Variants in ASIC2 observed in about 807,000 individuals in gnomAD.
The protein encoded by ASIC2 is acid sensing ion channel subunit 2.
A neutral mutation model predicts 57.3 loss-of-function variants in ASIC2; 25 were observed. That is an observed-to-expected ratio of 0.44 (90% confidence interval 0.32 to 0.61). The LOEUF is 0.61. Among genes scored for constraint, ASIC2 ranks in the 20% least tolerant of loss-of-function variants. The pLI is 0.06. For synonymous variants in ASIC2, 319 were observed against 307.5 expected (o/e 1.04, Z -0.39); for missense variants, 641 against 738.1 (o/e 0.87, Z 1.52).
intron 1 of ASIC2, among the ~76,000 whole-genome samples, chr17:33,933,515 C>T (rs928434103): frequency 1.3e-5 from 2 of 152,106 alleles, no homozygotes; most frequent in East Asian, 1.9e-4. Flanking sequence ...GAGGTGAGTA[C>T]GGGACAGAGC....
chr17:33,967,111 T>C (rs1905096968), intron 1 of ASIC2, among the ~76,000 whole-genome samples: 1 of 152,104 alleles, frequency 6.6e-6, no homozygotes, highest in African/African-American at 2.4e-5. Context: ...CCAGGAAGGA[T>C]TTCTTTGGTG....
At chr17:33,887,922 C>T (rs1435489352) in intron 1 of ASIC2, among the ~76,000 whole-genome samples, 1 of 152,148 alleles carries the variant, frequency 6.6e-6, no homozygotes, top group Non-Finnish European at 1.5e-5. Flanking sequence ...GACATAGCCT[C>T]ATTGAGTTCC....
intron 2 of ASIC2, among the ~76,000 whole-genome samples, chr17:33,096,511 C>T (rs1474769452): frequency 6.6e-6 from 1 of 152,234 alleles, no homozygotes; most frequent in African/African-American, 2.4e-5. Flanking sequence ...TGATTTATGG[C>T]ATCATTTCTC....
intron 1 of ASIC2, chr17:34,006,751 G>A (rs1906539231): frequency 6.6e-6 from 1 of 152,222 alleles, no homozygotes; most frequent in East Asian, 1.9e-4. Context: ...TATCAAAAGG[G>A]GCTGACCCAT....
At chr17:33,978,618 T>C (rs989572064) in intron 1 of ASIC2, among the ~76,000 whole-genome samples, 2 of 152,112 alleles carry the variant, frequency 1.3e-5, no homozygotes, top group Non-Finnish European at 2.9e-5. Flanking sequence ...TTTCATAGTT[T>C]AACATTTCTG....
intron 1 of ASIC2, among the ~76,000 whole-genome samples, chr17:33,912,510 A>T (rs112896473): frequency 7.9e-5 from 12 of 151,994 alleles, no homozygotes; most frequent in African/African-American, 2.9e-4. Flanking sequence ...ACAAAAATAA[A>T]AAAATAAAAA....
At chr17:33,276,766 A>G (rs1904721520) in intron 1 of ASIC2, among the ~76,000 whole-genome samples, 1 of 152,232 alleles carries the variant, frequency 6.6e-6, no homozygotes, top group Non-Finnish European at 1.5e-5. Context: ...ACATCTAAGC[A>G]GCAGCAGCCT....
chr17:33,959,140 T>G (rs1904837596), intron 1 of ASIC2, among the ~76,000 whole-genome samples: 1 of 152,218 alleles, frequency 6.6e-6, no homozygotes. Flanking sequence ...TCTAGGAAGT[T>G]CCAAACTTTC....
chr17:33,107,817 G>C (rs1489650207), intron 2 of ASIC2, among the ~76,000 whole-genome samples: 3 of 152,188 alleles, frequency 2.0e-5, no homozygotes, highest in Admixed American at 2.0e-4. Context: ...ATCCCCAGAA[G>C]AGTGGTTCCC....
chr17:33,476,225 A>T (rs1913214396), intron 1 of ASIC2, among the ~76,000 whole-genome samples: 1 of 152,090 alleles, frequency 6.6e-6, no homozygotes, highest in African/African-American at 2.4e-5. Context: ...TCAGTCCCAG[A>T]GACCTTAGGA....
chr17:33,216,320 G>C (rs1214489827), intron 1 of ASIC2, among the ~76,000 whole-genome samples: 1 of 152,176 alleles, frequency 6.6e-6, no homozygotes, highest in East Asian at 1.9e-4. Flanking sequence ...ACCGTATGAG[G>C]GATAATCCAT....
At chr17:33,121,215 C>T (rs548272542) in intron 1 of ASIC2, among the ~76,000 whole-genome samples, 222 of 152,308 alleles carry the variant, frequency 1.5e-3, no homozygotes, top group Non-Finnish European at 2.7e-3. Context: ...TTGTTCCATC[C>T]GGGACCATGC....
At chr17:33,552,171 G>A (rs1391573578) in intron 1 of ASIC2, among the ~76,000 whole-genome samples, 1 of 152,192 alleles carries the variant, frequency 6.6e-6, no homozygotes, top group Non-Finnish European at 1.5e-5. Context: ...GAAAGGGAAA[G>A]GGCCTCTGTT....
At chr17:33,844,106 A>G (rs1392087421) in intron 1 of ASIC2, among the ~76,000 whole-genome samples, 1 of 152,232 alleles carries the variant, frequency 6.6e-6, no homozygotes, top group Admixed American at 6.5e-5. Context: ...GTGTATATGT[A>G]TAACTTTATT....
intron 1 of ASIC2, among the ~76,000 whole-genome samples, chr17:33,887,596 G>A (rs1260093222): frequency 2.6e-5 from 4 of 152,256 alleles, no homozygotes; most frequent in Admixed American, 1.3e-4. Flanking sequence ...GTTGGTGTGC[G>A]GAGAGGTGAG....
chr17:33,419,051 T>A (rs917754138), intron 1 of ASIC2, among the ~76,000 whole-genome samples: 1 of 152,130 alleles, frequency 6.6e-6, no homozygotes, highest in Non-Finnish European at 1.5e-5. Context: ...TATATACCTA[T>A]GTAAGAAACC....
chr17:33,610,154 C>T (rs1245319772), intron 1 of ASIC2, among the ~76,000 whole-genome samples: 1 of 151,696 alleles, frequency 6.6e-6, no homozygotes, highest in Admixed American at 6.6e-5. Context: ...ATTCTTTCTC[C>T]CTATTTTGCC....
intron 2 of ASIC2, among the ~76,000 whole-genome samples, chr17:33,098,375 T>C (rs1483236828): frequency 6.6e-6 from 1 of 151,322 alleles, no homozygotes; most frequent in Non-Finnish European, 1.5e-5. Flanking sequence ...ATAGGCACTG[T>C]AGGGCAGCAT....
intron 1 of ASIC2, among the ~76,000 whole-genome samples, chr17:33,171,564 C>T (rs1185826511): frequency 6.6e-6 from 1 of 152,288 alleles, no homozygotes; most frequent in Non-Finnish European, 1.5e-5. Context: ...GTCTGTTATC[C>T]ATTACTCAAC....
Sources: gnomAD v4.1 joint callset for allele counts (sites outside exome capture counted in the v4.1 genomes callset) on GRCh38, gnomAD v4.1.1 for gene constraint, MANE v1.5 for transcripts, NCBI Gene and HGNC (gene_info 2026-07-23, HGNC 2026-07-21) for gene names.